Variants in NLRP11 observed in about 807,000 individuals in gnomAD.
NLRP11 encodes NACHT, LRR and PYD domains-containing protein 11.
A neutral mutation model predicts 79.3 loss-of-function variants in NLRP11; 53 were observed. That is an observed-to-expected ratio of 0.67 (90% CI 0.54 to 0.84). NLRP11 has a LOEUF of 0.84. Ranked by LOEUF, NLRP11 falls within the 40% of genes least tolerant of loss-of-function variation. The probability of loss-of-function intolerance (pLI) is 0.00; values close to 1 mark genes in which losing one functional copy is unlikely to be tolerated. For synonymous variants in NLRP11, 518 were observed against 462.6 expected (o/e 1.12, Z -1.54); for missense variants, 1,264 against 1,255.0 (o/e 1.01, Z -0.11).
Position 55,809,482 on chromosome 19 carries a change from A to AGTAAG in NLRP11, c.1127_1128insCTTAC (p.Ala377LeufsTer4). The stretch of plus-strand genomic sequence containing the variant: ...TAAGTCCAGCCTCTGATGTCAACGC[A>AGTAAG]TCAGCAAGAAAGTGGGCATGTAGAT... On this transcript the variant is annotated frameshift_variant, in exon 3 of 10. Coordinates refer to ENST00000589093, the Ensembl canonical transcript of NLRP11. LOFTEE classifies it high-confidence loss of function. This position sits in a 1 kb window ranked among gnomAD's most constrained non-coding sequence, Gnocchi z 4.5. 1 of 1,614,166 alleles carries AGTAAG rather than the reference A, an allele frequency of 6.2e-7. No homozygotes were observed. Among genetic ancestry groups the AGTAAG allele is most frequent in the South Asian group, 1.1e-5 (1 of 91,086 alleles).
intron 5 of NLRP11, among the ~76,000 whole-genome samples, chr19:55,797,232 G>A (rs895757188): frequency 5.3e-5 from 8 of 152,060 alleles, no homozygotes; most frequent in Admixed American, 1.3e-4. Flanking sequence ...TCAGGAGTTC[G>A]AGGCTGCAGT....
chr19:55,789,452 A>G, intron 7 of NLRP11, 53 bp from the exon 8 acceptor site: 1 of 1,519,014 alleles, frequency 6.6e-7, no homozygotes, highest in Non-Finnish European at 9.0e-7. Context: ...CCAAAGATTT[A>G]TTTCACAGAG....
exon 10 of NLRP11, chr19:55,785,501 A>G (rs998634674): frequency 1.9e-6 from 1 of 527,230 alleles, no homozygotes; most frequent in East Asian, 4.3e-5. Flanking sequence ...GGTCACACAC[A>G]CACACACACA....
chr19:55,798,299 T>C (rs1979140830), intron 5 of NLRP11: 1 of 984,432 alleles, frequency 1.0e-6, no homozygotes, highest in African/African-American at 1.7e-5. Flanking sequence ...CGTTGGCCTG[T>C]GTATTCTATT....
intron 5 of NLRP11, among the ~76,000 whole-genome samples, chr19:55,796,759 T>A (rs148480201): frequency 0.071 from 10,725 of 151,758 alleles, 530 homozygotes; most frequent in African/African-American, 0.14. Context: ...CGATCTCGGC[T>A]CACTGCAACC....
exon 10 of NLRP11, chr19:55,785,705 A>G (rs1371371731): frequency 6.2e-7 from 1 of 1,614,004 alleles, no homozygotes; most frequent in Admixed American, 1.7e-5. Flanking sequence ...ATGTAATCCA[A>G]ATTAGAATTA....
chr19:55,798,562 A>G (rs1979166164), intron 5 of NLRP11, among the ~76,000 whole-genome samples: 1 of 152,178 alleles, frequency 6.6e-6, no homozygotes, highest in African/African-American at 2.4e-5. Flanking sequence ...TCTATGAGGT[A>G]CTAGGCTTAG....
upstream of NLRP11, among the ~76,000 whole-genome samples, chr19:55,835,678 C>A: frequency 7.2e-6 from 1 of 138,932 alleles, no homozygotes; most frequent in Non-Finnish European, 1.5e-5. Context: ...CCTGTCTCTA[C>A]TGAAAATACA....
At chr19:55,821,181 T>C (rs1981660686) in intron 1 of NLRP11, among the ~76,000 whole-genome samples, 2 of 150,808 alleles carry the variant, frequency 1.3e-5, no homozygotes, top group African/African-American at 4.9e-5. Flanking sequence ...AGGATGCCTA[T>C]GTGACCAGCT....
chr19:55,796,016 C>A (rs1978811222), intron 6 of NLRP11, 64 bp downstream of exon 6: 1 of 1,425,082 alleles, frequency 7.0e-7, no homozygotes, highest in South Asian at 1.2e-5. Flanking sequence ...GCTCTTTGAT[C>A]ATGTGCTTAG....
At chr19:55,794,205 C>T (rs1386013913) in intron 6 of NLRP11, among the ~76,000 whole-genome samples, 10 of 151,700 alleles carry the variant, frequency 6.6e-5, no homozygotes, top group Admixed American at 5.9e-4. Context: ...TAAAAAACAT[C>T]GAATGTGTAC....
intron 9 of NLRP11, among the ~76,000 whole-genome samples, chr19:55,787,170 C>T (rs1341785191): frequency 6.6e-6 from 1 of 152,140 alleles, no homozygotes; most frequent in Non-Finnish European, 1.5e-5. Flanking sequence ...ATATGATTTT[C>T]CTTTAAATAA....
upstream of NLRP11, among the ~76,000 whole-genome samples, chr19:55,835,334 A>T (rs1391714090): frequency 6.6e-6 from 1 of 152,252 alleles, no homozygotes; most frequent in Non-Finnish European, 1.5e-5. Flanking sequence ...CAATGATGAA[A>T]TCTCGACCTT....
chr19:55,834,838 GA>G (rs1332035060), upstream of NLRP11, among the ~76,000 whole-genome samples: 15 of 152,072 alleles, frequency 9.9e-5, no homozygotes, highest in Non-Finnish European at 1.8e-4. Context: ...CATAATAAGT[GA>G]AAAGAATCAA....
chr19:55,807,855 G>T, exon 4 of NLRP11: 1 of 1,605,872 alleles, frequency 6.2e-7, no homozygotes. Flanking sequence ...GTACTTACTT[G>T]AGTGTGCGAA....
At chr19:55,835,456 T>C (rs1425798220), upstream of NLRP11, among the ~76,000 whole-genome samples, 4 of 152,210 alleles carry the variant, frequency 2.6e-5, no homozygotes, top group Non-Finnish European at 5.9e-5. Context: ...ATCCCAGCAC[T>C]TTGGGAGGCC....
intron 4 of NLRP11, among the ~76,000 whole-genome samples, chr19:55,802,376 A>G (rs560631510): frequency 1.4e-4 from 22 of 152,306 alleles, no homozygotes; most frequent in African/African-American, 5.1e-4. Flanking sequence ...CTATACACCA[A>G]CGACAGCCAA....
At chr19:55,830,616 T>G (rs35727804) in intron 1 of NLRP11, among the ~76,000 whole-genome samples, 3 of 124,324 alleles carry the variant, frequency 2.4e-5, no homozygotes, top group African/African-American at 9.6e-5. Context: ...AAAAAAAAAA[T>G]GCAACGTTGA....
At chr19:55,807,021 TC>T (rs1331971852) in intron 4 of NLRP11, among the ~76,000 whole-genome samples, 2 of 152,130 alleles carry the variant, frequency 1.3e-5, no homozygotes, top group Admixed American at 6.6e-5. Context: ...GCCATTCTTT[TC>T]CCCCCGTAAC....
Sources: gnomAD v4.1 joint callset for allele counts (sites outside exome capture counted in the v4.1 genomes callset) on GRCh38, gnomAD v4.1.1 for gene constraint, Gnocchi (gnomAD v3.1) non-coding constraint, MANE v1.5 for transcripts, NCBI Gene and HGNC (gene_info 2026-07-23, HGNC 2026-07-21) for gene names.